The following CACNA2D1 variants were observed in gnomAD, a reference collection of about 807,000 sequenced individuals.
CACNA2D1 encodes calcium voltage-gated channel auxiliary subunit alpha2delta 1.
Under a neutral mutation model 171.5 loss-of-function variants are expected in CACNA2D1, and 53 were observed. The ratio of observed to expected loss-of-function variants is 0.31; its 90% CI spans 0.25 to 0.39. CACNA2D1 has a LOEUF of 0.39. CACNA2D1 is among the 10% of genes least tolerant of loss of function. The pLI, the probability that CACNA2D1 is intolerant of heterozygous loss-of-function variation, is 1.00. For synonymous variants in CACNA2D1, 442 were observed against 443.1 expected, an observed-to-expected ratio of 1.00 and a Z score of 0.03; for missense variants, 903 against 1,299.8, an observed-to-expected ratio of 0.69 and a Z score of 4.69.
Position 82,066,533 on chromosome 7 carries a change from A to T in CACNA2D1, c.659-9T>A. On this transcript the variant is annotated splice_polypyrimidine_tract_variant and intron_variant, in intron 7 of 38. Transcript: ENST00000356860. ...ATCAACCCATGGTGAAGCTAAAAAA[A>T]AAAAAAAAAGAGAGATATTAAATCA... is the stretch of plus-strand genomic sequence containing the variant. The T allele has an allele frequency of 6.3e-7, 1 of 1,593,330 alleles. No homozygotes were observed. Among genetic ancestry groups the T allele is most frequent in the Non-Finnish European group, 8.5e-7 (1 of 1,173,402 alleles).
At chr7:82,370,452 A>C (rs1011597409) in intron 1 of CACNA2D1, among the ~76,000 whole-genome samples, 2 of 152,054 alleles carry the variant, frequency 1.3e-5, no homozygotes, top group Non-Finnish European at 2.9e-5. Context: ...ATTAATAACC[A>C]ATTAAATAAT....
At chr7:81,964,170 C>T (rs766822279) in intron 33 of CACNA2D1, 37 bp downstream of exon 33, 1 of 1,611,170 alleles carries the variant, frequency 6.2e-7, no homozygotes, top group South Asian at 1.1e-5. Context: ...CACTTGAGTA[C>T]CCCTTGAGAA....
At chr7:81,956,551 T>C (rs1793376526) in intron 38 of CACNA2D1, among the ~76,000 whole-genome samples, 1 of 152,148 alleles carries the variant, frequency 6.6e-6, no homozygotes, top group Non-Finnish European at 1.5e-5. Context: ...AAAATGTGTA[T>C]ATGAAGATAT....
At chr7:82,121,731 TTATG>T (rs1303018911) in intron 5 of CACNA2D1, among the ~76,000 whole-genome samples, 1 of 149,482 alleles carries the variant, frequency 6.7e-6, no homozygotes, top group African/African-American at 2.5e-5. Flanking sequence ...AATTTTGAAA[TTATG>T]TATTTAATGA....
At chr7:82,230,980 A>G (rs1382253904) in intron 3 of CACNA2D1, among the ~76,000 whole-genome samples, 2 of 152,218 alleles carry the variant, frequency 1.3e-5, no homozygotes, top group Admixed American at 1.3e-4. Context: ...TGATACATGA[A>G]GGGTTTGGCT....
At chr7:82,019,325 AAAAAC>A (rs1800896889) in intron 12 of CACNA2D1, among the ~76,000 whole-genome samples, 1 of 152,146 alleles carries the variant, frequency 6.6e-6, no homozygotes, top group Non-Finnish European at 1.5e-5. Context: ...TCTCAAAACA[AAAAAC>A]AAAAAACAAA....
intron 3 of CACNA2D1, among the ~76,000 whole-genome samples, chr7:82,273,120 T>G (rs1467953391): frequency 6.6e-6 from 1 of 152,184 alleles, no homozygotes; most frequent in Non-Finnish European, 1.5e-5. Flanking sequence ...ATTTGTTATC[T>G]ACCAACTTCG....
At chr7:82,139,137 CT>C (rs1381386815) in intron 4 of CACNA2D1, among the ~76,000 whole-genome samples, 2 of 152,146 alleles carry the variant, frequency 1.3e-5, no homozygotes, top group African/African-American at 4.8e-5. Context: ...AACTCCTACT[CT>C]TTTGGTAAAA....
chr7:82,096,634 G>GATA (rs1308004522), intron 6 of CACNA2D1, among the ~76,000 whole-genome samples: 2 of 107,792 alleles, frequency 1.9e-5, no homozygotes, highest in Non-Finnish European at 4.0e-5. Context: ...TCAACATGAT[G>GATA]GTATGATCTA....
intron 6 of CACNA2D1, among the ~76,000 whole-genome samples, chr7:82,098,767 G>A (rs1169653642): frequency 6.6e-6 from 1 of 152,116 alleles, no homozygotes; most frequent in Non-Finnish European, 1.5e-5. Flanking sequence ...TGCACCTCTG[G>A]CTTTCTGAAA....
At chr7:82,295,604 TCTCAGCCTCCCAAAGTGTTGAGATTA>T (rs986212992) in intron 3 of CACNA2D1, among the ~76,000 whole-genome samples, 4 of 151,780 alleles carry the variant, frequency 2.6e-5, no homozygotes, top group African/African-American at 7.3e-5. Flanking sequence ...GATCCTCCCA[TCTCAGCCTCCCAAAGTGTTGAGATTA>T]CTCAGCCTCC....
intron 6 of CACNA2D1, among the ~76,000 whole-genome samples, chr7:82,104,126 AAATT>A (rs1337774347): frequency 4.6e-5 from 7 of 151,724 alleles, no homozygotes; most frequent in African/African-American, 1.5e-4. Context: ...CTAATTAATT[AAATT>A]AATTTGCATT....
chr7:82,149,794 C>G (rs76341896), intron 4 of CACNA2D1, among the ~76,000 whole-genome samples: 18,689 of 130,140 alleles, frequency 0.14, 1,735 homozygotes, highest in East Asian at 0.32. Flanking sequence ...AAACAAACAA[C>G]AAAAAAAAAA....
At chr7:82,111,409 T>C (rs1788399121) in intron 6 of CACNA2D1, among the ~76,000 whole-genome samples, 1 of 87,770 alleles carries the variant, frequency 1.1e-5, no homozygotes, top group Non-Finnish European at 2.4e-5. Context: ...TATATATTCA[T>C]ATATGTGTAT....
intron 4 of CACNA2D1, among the ~76,000 whole-genome samples, chr7:82,165,501 AT>A (rs1795356172): frequency 6.6e-6 from 1 of 152,084 alleles, no homozygotes; most frequent in East Asian, 1.9e-4. Context: ...AACAAAAGAG[AT>A]AGGTTATCAC....
At chr7:82,163,560 A>C (rs934915209) in intron 4 of CACNA2D1, among the ~76,000 whole-genome samples, 2 of 152,024 alleles carry the variant, frequency 1.3e-5, no homozygotes, top group African/African-American at 4.8e-5. Flanking sequence ...TTAGAGAGAG[A>C]ATGATTAAAT....
chr7:82,364,642 C>A (rs367792846), intron 1 of CACNA2D1, among the ~76,000 whole-genome samples: 1 of 152,048 alleles, frequency 6.6e-6, no homozygotes, highest in African/African-American at 2.4e-5. Context: ...TATTCTTGAC[C>A]CTCCCAATCA....
At chr7:82,216,205 T>C (rs2129236582) in intron 3 of CACNA2D1, among the ~76,000 whole-genome samples, 1 of 152,256 alleles carries the variant, frequency 6.6e-6, no homozygotes, top group African/African-American at 2.4e-5. Flanking sequence ...TTTTCACAAG[T>C]GGTATGTCAG....
rs556531113 is a variant in CACNA2D1 at position 82,063,560 on chromosome 7, T to A, written c.779+744A>T. Reference sequence around the variant, plus strand: ...TGTTTCTTCCAATGAGACAAAGATTTTTTTTTTTTTTTCCTCAGGGAAAAA... The same window carrying A: ...TGTTTCTTCCAATGAGACAAAGATTATTTTTTTTTTTTCCTCAGGGAAAAA... On this transcript the variant is annotated intron_variant, in intron 9 of 38. Transcript: ENST00000356860. Among the ~76,000 whole-genome samples the A allele has an allele frequency of 9.6e-4, 146 of 151,468 alleles. 1 individual carries two copies. Among genetic ancestry groups the A allele is most frequent in the African/African-American group, 3.3e-3 (135 of 41,134 alleles).
Sources: gnomAD v4.1 joint callset for allele counts (sites outside exome capture counted in the v4.1 genomes callset) on GRCh38, gnomAD v4.1.1 for gene constraint, MANE v1.5 for transcripts, NCBI Gene and HGNC (gene_info 2026-07-23, HGNC 2026-07-21) for gene names.